SOX6: variants seen among roughly 807,000 people sequenced by gnomAD.
The protein encoded by SOX6 is transcription factor SOX-6.
In SOX6, 11 loss-of-function variants were observed where a neutral mutation model predicts 97.8. The ratio of observed to expected loss-of-function variants is 0.11; its 90% CI spans 0.07 to 0.19. The LOEUF (loss-of-function observed/expected upper bound fraction) is 0.19. SOX6 is among the 10% of genes least tolerant of loss of function. The pLI is 1.00. For synonymous variants in SOX6, 360 were observed against 371.4 expected, an observed-to-expected ratio of 0.97 and a Z score of 0.35; for missense variants, 810 against 1,039.5, an observed-to-expected ratio of 0.78 and a Z score of 3.04.
At chr11:16,107,025 T>C (rs1250970334) in intron 7 of SOX6, among the ~76,000 whole-genome samples, 7 of 151,644 alleles carry the variant, frequency 4.6e-5, no homozygotes. Flanking sequence ...TAAATCAAAA[T>C]CACAGCGAGA....
Position 16,703,167 on chromosome 11 carries a change from C to T in SOX6, n.429+11663G>A, listed in dbSNP as rs184836343. ...TACTACATGATCGAATCACACTGAT[C>T]AGTGTGATACACAAAATAAAAATAT... is the stretch of plus-strand genomic sequence containing the variant. On this transcript the variant is annotated intron_variant and non_coding_transcript_variant, in intron 3 of 5. Transcript: ENST00000524520. Among the ~76,000 whole-genome samples the T allele has an allele frequency of 9.9e-5, 15 of 151,838 alleles. No individual in the cohort carries two copies. In the East Asian group the frequency reaches 2.7e-3, roughly 27 times the overall value.
intron 3 of SOX6, among the ~76,000 whole-genome samples, chr11:16,692,313 G>A (rs1387184138): frequency 6.6e-6 from 1 of 152,088 alleles, no homozygotes; most frequent in Non-Finnish European, 1.5e-5. Flanking sequence ...GCCTTCCAAA[G>A]TGCTGGGATT....
rs1277189695 is a variant in SOX6 at position 16,706,469 on chromosome 11, AAAATATATATATATATATATAT to A, written n.429+8339_429+8360del. On this transcript the variant is annotated intron_variant and non_coding_transcript_variant, in intron 3 of 5. Coordinates refer to the SOX6 transcript ENST00000524520. ...TATCACAAAAAAAAAAAAAAAAAAAAAAATATATATATATATATATATATATATATATATATATATATATATA... is the reference window on the plus strand; with the variant it reads ...TATCACAAAAAAAAAAAAAAAAAAAAATATATATATATATATATATATATA... Among the ~76,000 whole-genome samples the A allele has an allele frequency of 1.2e-3, 32 of 27,014 alleles. 1 individual carries two copies. The highest frequency in any genetic ancestry group is 1.4e-3 in the Non-Finnish European group (22 of 15,190). The allele number at this position is 27,014 out of a possible 152,430, so 17.7% of individuals were successfully genotyped here. A position where few individuals can be genotyped will look rare whatever the true frequency, so the allele number is the denominator to read the frequency against.
chr11:16,437,363 G>A (rs540844894), intron 1 of SOX6, among the ~76,000 whole-genome samples: 1 of 151,934 alleles, frequency 6.6e-6, no homozygotes, highest in South Asian at 2.1e-4. Context: ...ATTACAGTCA[G>A]TATATATTTT....
At chr11:16,179,230 T>G (rs919660904) in intron 6 of SOX6, among the ~76,000 whole-genome samples, 2 of 151,906 alleles carry the variant, frequency 1.3e-5, no homozygotes, top group Non-Finnish European at 2.9e-5. Context: ...TTTAATTGTT[T>G]AAGGACAATC....
chr11:16,552,720 T>C (rs1847702676), intron 4 of SOX6, among the ~76,000 whole-genome samples: 1 of 152,220 alleles, frequency 6.6e-6, no homozygotes, highest in African/African-American at 2.4e-5. Flanking sequence ...TTTTTTGTTT[T>C]TCTTTTTTAC....
intron 6 of SOX6, among the ~76,000 whole-genome samples, chr11:16,145,049 AAAG>A (rs1226060534): frequency 3.3e-5 from 5 of 152,202 alleles, no homozygotes; most frequent in African/African-American, 1.2e-4. Flanking sequence ...CACAACAAAA[AAAG>A]AGAATTTTCG....
intron 6 of SOX6, among the ~76,000 whole-genome samples, chr11:16,124,942 TG>T (rs1849572339): frequency 6.6e-6 from 1 of 151,914 alleles, no homozygotes. Context: ...AGACCCAAAA[TG>T]GGGGTAATGG....
intron 3 of SOX6, among the ~76,000 whole-genome samples, chr11:16,251,763 A>G (rs886313915): frequency 6.6e-6 from 1 of 152,146 alleles, no homozygotes; most frequent in Non-Finnish European, 1.5e-5. Flanking sequence ...AAAAAAAATA[A>G]CTTCCAGAAT....
chr11:16,286,660 G>A (rs1292159636), intron 3 of SOX6, among the ~76,000 whole-genome samples: 1 of 151,940 alleles, frequency 6.6e-6, no homozygotes, highest in Non-Finnish European at 1.5e-5. Flanking sequence ...GGAAAATTGT[G>A]CTTTTACCAT....
intron 4 of SOX6, among the ~76,000 whole-genome samples, chr11:16,537,643 A>G (rs1290590849): frequency 6.6e-6 from 1 of 152,222 alleles, no homozygotes; most frequent in Non-Finnish European, 1.5e-5. Context: ...GACCTGATGG[A>G]GCTGAAAACC....
intron 9 of SOX6, among the ~76,000 whole-genome samples, chr11:16,067,333 C>G (rs1031479098): frequency 6.6e-6 from 1 of 152,124 alleles, no homozygotes; most frequent in South Asian, 2.1e-4. Context: ...TGTGGAGGGA[C>G]CCAGTGAGAG....
intron 12 of SOX6, among the ~76,000 whole-genome samples, chr11:16,036,196 C>G (rs1855515053): frequency 6.6e-6 from 1 of 151,790 alleles, no homozygotes; most frequent in African/African-American, 2.4e-5. Context: ...TTTCCTGCCT[C>G]AGCCTCCCGA....
chr11:16,043,312 C>A (rs943897360), intron 12 of SOX6, among the ~76,000 whole-genome samples: 2 of 152,072 alleles, frequency 1.3e-5, no homozygotes, highest in Non-Finnish European at 2.9e-5. Context: ...CATCTGCTGG[C>A]AGGACACTGA....
At chr11:16,153,903 A>G (rs2134060149) in intron 6 of SOX6, among the ~76,000 whole-genome samples, 1 of 152,322 alleles carries the variant, frequency 6.6e-6, no homozygotes, top group Non-Finnish European at 1.5e-5. Flanking sequence ...TCTGGAGAGT[A>G]CCACACAATC....
intron 4 of SOX6, chr11:16,567,387 AT>A (rs1049972199): frequency 1.3e-5 from 2 of 152,226 alleles, no homozygotes; most frequent in Admixed American, 6.5e-5. Flanking sequence ...ACCTAAAAAA[AT>A]AAAATACAGT....
At chr11:16,062,276 A>C (rs970481827) in intron 9 of SOX6, among the ~76,000 whole-genome samples, 6 of 151,794 alleles carry the variant, frequency 4.0e-5, no homozygotes, top group Admixed American at 3.9e-4. Flanking sequence ...TTAATAACAA[A>C]AAAAAACTAT....
At chr11:16,422,020 A>G (rs2174164) in intron 1 of SOX6, among the ~76,000 whole-genome samples, 28,236 of 152,202 alleles carry the variant, frequency 0.19, 2,991 homozygotes, top group Admixed American at 0.31. Context: ...TGCTGCTGCT[A>G]TGTAGGACTT....
At chr11:16,427,372 C>A (rs1009044437) in intron 1 of SOX6, among the ~76,000 whole-genome samples, 1 of 150,630 alleles carries the variant, frequency 6.6e-6, no homozygotes, top group Non-Finnish European at 1.5e-5. Flanking sequence ...GGTACATGTG[C>A]ACAATGTGCA....
Sources: allele counts gnomAD v4.1 joint callset (sites outside exome capture counted in the v4.1 genomes callset), GRCh38; gene constraint gnomAD v4.1.1; transcripts MANE v1.5; gene names NCBI Gene and HGNC (gene_info 2026-07-23, HGNC 2026-07-21).